The following LCLAT1 variants were observed in gnomAD, a reference collection of about 807,000 sequenced individuals.
LCLAT1 encodes the protein 1-AGP acyltransferase 8.
LCLAT1 carries 11 observed loss-of-function variants against 30.7 expected under a neutral mutation model. That is an observed-to-expected ratio of 0.36 (90% CI 0.23 to 0.59). The LOEUF is 0.59. Among genes scored for constraint, LCLAT1 ranks in the 20% least tolerant of loss-of-function variants. LCLAT1 has a pLI of 0.77. For synonymous variants in LCLAT1, 155 were observed against 151.3 expected, an observed-to-expected ratio of 1.02 and a Z score of -0.18; for missense variants, 402 against 458.6, an observed-to-expected ratio of 0.88 and a Z score of 1.13.
chr2:30,452,571 C>G (rs932804421), intron 1 of LCLAT1, among the ~76,000 whole-genome samples: 15 of 152,048 alleles, frequency 9.9e-5, no homozygotes, highest in Non-Finnish European at 1.3e-4. Flanking sequence ...AAGTTTTGAT[C>G]AATACAATAC....
chr2:30,580,842 A>G (rs1666183722), intron 5 of LCLAT1, among the ~76,000 whole-genome samples: 1 of 152,148 alleles, frequency 6.6e-6, no homozygotes, highest in Non-Finnish European at 1.5e-5. Context: ...TTCCCTTCTT[A>G]GTATTCTAAG....
intron 1 of LCLAT1, 126 bp downstream of exon 1, chr2:30,447,509 G>A (rs1199075061): frequency 2.0e-5 from 3 of 152,238 alleles, no homozygotes; most frequent in East Asian, 1.9e-4. Flanking sequence ...GACCTTCCCC[G>A]GGCCGCGACC....
chr2:30,492,137 G>A (rs1358658573), intron 1 of LCLAT1, among the ~76,000 whole-genome samples: 1 of 152,118 alleles, frequency 6.6e-6, no homozygotes, highest in Non-Finnish European at 1.5e-5. Flanking sequence ...AGGTGAGGAT[G>A]ATACAAGAAT....
At chr2:30,605,308 T>G (rs1667387539) in intron 5 of LCLAT1, among the ~76,000 whole-genome samples, 1 of 152,216 alleles carries the variant, frequency 6.6e-6, no homozygotes, top group South Asian at 2.1e-4. Context: ...AACTTCATTT[T>G]CATCTCATTA....
chr2:30,459,520 C>A, intron 1 of LCLAT1: 1 of 857,508 alleles, frequency 1.2e-6, no homozygotes, highest in Non-Finnish European at 2.0e-6. Flanking sequence ...ACTCTGCTTT[C>A]TCTTTTTTTC....
rs78855795 is a variant in LCLAT1, at chr2:30,480,609, A to G, written c.-5+33226A>G. ...AAGTAGAAATTGAGCTCTTTCATGC[A>G]GGGTATGATGCTTCATGCTTGTAAT... On this transcript the variant is annotated intron_variant, in intron 1 of 5. Coordinates refer to ENST00000379509, the MANE Select transcript of LCLAT1 (RefSeq NM_001002257.3). Among the ~76,000 whole-genome samples the G allele has an allele frequency of 7.0e-3, 1,065 of 152,232 alleles. 12 individuals are homozygous for G. Among genetic ancestry groups the G allele is most frequent in the African/African-American group, 0.025 (1,024 of 41,550 alleles).
rs576157160 is a variant in LCLAT1 at position 30,608,715 on chromosome 2, C to G, written c.629-31402C>G. On this transcript the variant is annotated intron_variant, in intron 5 of 5. Coordinates refer to ENST00000379509, the MANE Select transcript of LCLAT1 (RefSeq NM_001002257.3). ...CCATATAGCCTAGGTGGGTCATAGA[C>G]TATATACTGTCTAGGTTTGTGTGAG... Among the ~76,000 whole-genome samples the G allele has an allele frequency of 2.6e-5, 4 of 152,192 alleles. No homozygotes were observed. In the South Asian group the frequency reaches 6.3e-4, roughly 24 times the overall value.
At chr2:30,504,732 C>A (rs994596112) in intron 1 of LCLAT1, among the ~76,000 whole-genome samples, 7 of 152,036 alleles carry the variant, frequency 4.6e-5, no homozygotes, top group Non-Finnish European at 8.8e-5. Context: ...TCCTTTTAAC[C>A]CTATAAGTAA....
At chr2:30,513,011 A>G (rs930681572) in intron 1 of LCLAT1, among the ~76,000 whole-genome samples, 1 of 152,194 alleles carries the variant, frequency 6.6e-6, no homozygotes, top group Non-Finnish European at 1.5e-5. Flanking sequence ...TTACTAACTT[A>G]AAGGGTGGTA....
chr2:30,458,879 TAAGA>T (rs1681963508), intron 1 of LCLAT1, among the ~76,000 whole-genome samples: 1 of 152,216 alleles, frequency 6.6e-6, no homozygotes. Context: ...TGTGTGAATG[TAAGA>T]AGCTTACCTA....
At chr2:30,470,650 A>G (rs926892044) in intron 1 of LCLAT1, among the ~76,000 whole-genome samples, 5 of 152,162 alleles carry the variant, frequency 3.3e-5, no homozygotes, top group Non-Finnish European at 7.3e-5. Context: ...TCAGTACCAC[A>G]TTGTTTTGAT....
At chr2:30,517,856 A>C (rs1382342140) in intron 1 of LCLAT1, among the ~76,000 whole-genome samples, 1 of 152,152 alleles carries the variant, frequency 6.6e-6, no homozygotes, top group Non-Finnish European at 1.5e-5. Context: ...TATAATTGAT[A>C]ATTGAAGATC....
chr2:30,624,256 T>G (rs536787640), intron 5 of LCLAT1, among the ~76,000 whole-genome samples: 106 of 152,294 alleles, frequency 7.0e-4, no homozygotes, highest in Non-Finnish European at 1.2e-3. Flanking sequence ...AATAGAATAG[T>G]ACTTCACATC....
Position 30,502,149 on chromosome 2 carries a change from T to G in LCLAT1, c.-4-23438T>G, listed in dbSNP as rs530930462. On this transcript the variant is annotated intron_variant, in intron 1 of 5. Transcript: ENST00000379509. ...GCCATTGGTAACATTTTGATGTACT[T>G]CTATCTAGTGCTTTTTTTGTTCAGT... Among the ~76,000 whole-genome samples, 55 of 152,348 alleles carry G rather than the reference T, an allele frequency of 3.6e-4. 1 individual carries two copies. The Middle Eastern group carries it at 0.01, about 28-fold the overall frequency.
intron 5 of LCLAT1, among the ~76,000 whole-genome samples, chr2:30,610,008 C>T (rs1199515092): frequency 6.6e-6 from 1 of 152,056 alleles, no homozygotes; most frequent in Non-Finnish European, 1.5e-5. Flanking sequence ...ATTTTAAGCA[C>T]ATAAAGGCAA....
chr2:30,450,360 C>T (rs1012479673), intron 1 of LCLAT1, among the ~76,000 whole-genome samples: 9 of 152,128 alleles, frequency 5.9e-5, no homozygotes, highest in Non-Finnish European at 8.8e-5. Flanking sequence ...ACAGGTGTTG[C>T]TGGGAGAGAA....
intron 5 of LCLAT1, among the ~76,000 whole-genome samples, chr2:30,609,697 C>A (rs1051750119): frequency 6.6e-6 from 1 of 152,136 alleles, no homozygotes; most frequent in Non-Finnish European, 1.5e-5. Flanking sequence ...CCACAGTGAT[C>A]CTGTCCTCCT....
In LCLAT1 at chr2:30,640,828, G is replaced by C. The variant is rs1016243507; in HGVS notation, c.*209G>C. On this transcript the variant is annotated 3_prime_UTR_variant, in exon 6 of 6. Transcript: ENST00000379509. ...ATGTAATTTCGATACTGTGTACATA[G>C]CAGGGAGTGATCGGGGTGAAATAAC... is the stretch of plus-strand genomic sequence containing the variant. 3.7e-6 allele frequency: 2 copies of C among 535,288 alleles called. No homozygotes were observed. The highest frequency in any genetic ancestry group is 3.9e-5 in the African/African-American group (2 of 51,102). The allele number at this position is 535,288 out of a possible 1,614,324, so 33.2% of individuals were successfully genotyped here. A position where few individuals can be genotyped will look rare whatever the true frequency, so the allele number is the denominator to read the frequency against.
chr2:30,548,758 A>C (rs1664543604), intron 3 of LCLAT1, among the ~76,000 whole-genome samples: 1 of 152,216 alleles, frequency 6.6e-6, no homozygotes, highest in Non-Finnish European at 1.5e-5. Flanking sequence ...GGCAATTTCA[A>C]AGTATGGCAA....
Sources: gnomAD v4.1 joint callset for allele counts (sites outside exome capture counted in the v4.1 genomes callset) on GRCh38, gnomAD v4.1.1 for gene constraint, MANE v1.5 for transcripts, NCBI Gene and HGNC (gene_info 2026-07-23, HGNC 2026-07-21) for gene names.